The following SLC41A2 variants were observed in gnomAD, a reference collection of about 807,000 sequenced individuals.
SLC41A2 encodes the protein solute carrier family 41 member 2.
A neutral mutation model predicts 58.3 loss-of-function variants in SLC41A2; 32 were observed. That is an observed-to-expected ratio of 0.55 (90% CI 0.41 to 0.74). The LOEUF (loss-of-function observed/expected upper bound fraction) is 0.74. Ranked by LOEUF, SLC41A2 falls within the 30% of genes least tolerant of loss-of-function variation. The probability of loss-of-function intolerance (pLI) is 0.00; values close to 1 mark genes in which losing one functional copy is unlikely to be tolerated. For missense variants in SLC41A2, 514 were observed against 680.6 expected, an observed-to-expected ratio of 0.76 and a Z score of 2.72; for synonymous variants, 190 against 235.0, an observed-to-expected ratio of 0.81 and a Z score of 1.75.
At chr12:104,881,198 T>G (rs12316185) in intron 6 of SLC41A2, among the ~76,000 whole-genome samples, 26,621 of 152,066 alleles carry the variant, frequency 0.18, 4,039 homozygotes, top group African/African-American at 0.4. Flanking sequence ...TATTTGATTC[T>G]TCTCTCTTTT....
chr12:104,807,894 G>A (rs1047175397), intron 10 of SLC41A2, among the ~76,000 whole-genome samples: 2 of 152,142 alleles, frequency 1.3e-5, no homozygotes, highest in Non-Finnish European at 2.9e-5. Flanking sequence ...AAGAATGCTT[G>A]TGATTTTTGC....
At chr12:104,858,393 A>C (rs967914891) in intron 8 of SLC41A2, among the ~76,000 whole-genome samples, 1 of 152,204 alleles carries the variant, frequency 6.6e-6, no homozygotes, top group Non-Finnish European at 1.5e-5. Context: ...GAGACCTTAG[A>C]CAATCTACTG....
At position 104,876,087 on chromosome 12, in the gene SLC41A2, A is replaced by G. The variant is rs530097306; in HGVS notation, c.1028-9508T>C. Among the ~76,000 whole-genome samples the G allele has an allele frequency of 4.6e-5, 7 of 152,130 alleles. No homozygotes were observed. The East Asian group carries it at 5.8e-4, about 13-fold the overall frequency. On this transcript the variant is annotated intron_variant, in intron 6 of 10. Transcript: ENST00000258538. ...TAATTTGTTGGCTTAAAATTGTTCAATCGTCTCTAGTGATCTTTTTTATTT... is the reference window on the plus strand; with the variant it reads ...TAATTTGTTGGCTTAAAATTGTTCAGTCGTCTCTAGTGATCTTTTTTATTT...
chr12:104,860,443 G>A (rs1033902775), intron 8 of SLC41A2, among the ~76,000 whole-genome samples: 7 of 150,618 alleles, frequency 4.6e-5, no homozygotes, highest in Non-Finnish European at 1.0e-4. Flanking sequence ...CCAGAAGCCG[G>A]TAGACTGGAT....
intron 1 of SLC41A2, among the ~76,000 whole-genome samples, chr12:104,952,752 G>A (rs924609274): frequency 2.0e-5 from 3 of 152,110 alleles, no homozygotes; most frequent in African/African-American, 7.2e-5. Flanking sequence ...TCTACTAGTA[G>A]GTGCCTGCAG....
intron 1 of SLC41A2, among the ~76,000 whole-genome samples, chr12:104,934,472 T>C (rs893245078): frequency 3.4e-4 from 52 of 151,464 alleles, no homozygotes; most frequent in Admixed American, 3.2e-3. Flanking sequence ...AATTCCTTAA[T>C]GGCCAATATT....
chr12:104,920,636 G>A (rs1027100516), intron 2 of SLC41A2, among the ~76,000 whole-genome samples: 1 of 151,854 alleles, frequency 6.6e-6, no homozygotes, highest in African/African-American at 2.4e-5. Context: ...TAAATTAGCT[G>A]GATATGGGCT....
intron 2 of SLC41A2, among the ~76,000 whole-genome samples, chr12:104,922,051 A>G (rs1283073531): frequency 6.6e-6 from 1 of 152,200 alleles, no homozygotes. Context: ...AAAGCAGCAA[A>G]TTGAAACATG....
At chr12:104,843,764 C>T (rs1397742105) in intron 10 of SLC41A2, among the ~76,000 whole-genome samples, 2 of 152,034 alleles carry the variant, frequency 1.3e-5, no homozygotes, top group African/African-American at 4.8e-5. Context: ...TTGTATGTAT[C>T]CCACTTTGAA....
chr12:104,852,564 A>G (rs560877515), intron 8 of SLC41A2, among the ~76,000 whole-genome samples: 1 of 152,348 alleles, frequency 6.6e-6, no homozygotes. Context: ...AAATATAAAC[A>G]GTCTTATAAA....
intron 2 of SLC41A2, among the ~76,000 whole-genome samples, chr12:104,921,910 T>C (rs910072570): frequency 1.3e-5 from 2 of 152,202 alleles, no homozygotes; most frequent in African/African-American, 4.8e-5. Context: ...TCTTAGTTTT[T>C]TCTTTGTTTC....
chr12:104,806,949 T>C (rs1166187631), intron 10 of SLC41A2, among the ~76,000 whole-genome samples: 1 of 152,248 alleles, frequency 6.6e-6, no homozygotes, highest in Non-Finnish European at 1.5e-5. Flanking sequence ...GAGTTCATTG[T>C]AAATTCTGGT....
At chr12:104,923,204 C>CAAAAAAAAAAAAAAAAAAAAAA (rs1267157553) in intron 2 of SLC41A2, among the ~76,000 whole-genome samples, 6 of 108,044 alleles carry the variant, frequency 5.6e-5, no homozygotes, top group Non-Finnish European at 1.0e-4. Context: ...CTACTAAAAG[C>CAAAAAAAAAAAAAAAAAAAAAA]ACAAAAAATT....
At chr12:104,892,777 G>T (rs909794704) in intron 4 of SLC41A2, among the ~76,000 whole-genome samples, 1 of 152,062 alleles carries the variant, frequency 6.6e-6, no homozygotes. Context: ...TTTAACAAGT[G>T]GTGCTAAGAA....
intron 5 of SLC41A2, among the ~76,000 whole-genome samples, chr12:104,887,069 T>A (rs7304674): frequency 7.7e-4 from 117 of 152,112 alleles, no homozygotes; most frequent in African/African-American, 2.7e-3. Flanking sequence ...AACTGTGTAC[T>A]TGTACTTTTA....
At chr12:104,866,972 C>A (rs1372864929) in intron 6 of SLC41A2, among the ~76,000 whole-genome samples, 1 of 152,012 alleles carries the variant, frequency 6.6e-6, no homozygotes, top group Non-Finnish European at 1.5e-5. Context: ...TAGATACTGT[C>A]ATTTCTATTT....
chr12:104,823,470 CAT>C (rs143076230), intron 10 of SLC41A2, among the ~76,000 whole-genome samples: 7 of 149,666 alleles, frequency 4.7e-5, no homozygotes, highest in Admixed American at 1.3e-4. Context: ...AATAGACCTG[CAT>C]ATATATATAT....
intron 8 of SLC41A2, among the ~76,000 whole-genome samples, chr12:104,858,844 T>C (rs1452900629): frequency 6.6e-6 from 1 of 152,190 alleles, no homozygotes; most frequent in Non-Finnish European, 1.5e-5. Flanking sequence ...TATCACACAA[T>C]GCCACAGCAC....
At chr12:104,851,630 C>T (rs532163110) in intron 8 of SLC41A2, among the ~76,000 whole-genome samples, 1 of 152,280 alleles carries the variant, frequency 6.6e-6, no homozygotes, top group East Asian at 1.9e-4. Context: ...TCAAGCAATC[C>T]TCCTGCCTAG....
Sources: gnomAD v4.1 joint callset for allele counts (sites outside exome capture counted in the v4.1 genomes callset) on GRCh38, gnomAD v4.1.1 for gene constraint, MANE v1.5 for transcripts, NCBI Gene and HGNC (gene_info 2026-07-23, HGNC 2026-07-21) for gene names.